The following MTO1 variants were observed in gnomAD, a reference collection of about 807,000 sequenced individuals.
MTO1 encodes the protein mitochondrial tRNA translation optimization 1, also known as 5-taurinomethyluridine-[tRNA] synthase subunit MTO1, mitochondrial.
MTO1 carries 46 observed loss-of-function variants against 71.6 expected under a neutral mutation model. The ratio of observed to expected loss-of-function variants is 0.64; its 90% CI spans 0.51 to 0.82. MTO1 has a LOEUF of 0.82. Among genes scored for constraint, MTO1 ranks in the 40% least tolerant of loss-of-function variants. MTO1 has a pLI of 0.00. For missense variants in MTO1, 773 were observed against 867.5 expected (o/e 0.89, Z 1.37); for synonymous variants, 297 against 312.1 (o/e 0.95, Z 0.51).
rs1177351161 is a variant in MTO1 at position 73,504,498 on chromosome 6, C to T, written c.*3763C>T. ...AGCCTTGTAAATATAAGCAATATCACAGTTGTAGATACTCGTGCTTTTTAA... is the reference window on the plus strand; with the variant it reads ...AGCCTTGTAAATATAAGCAATATCATAGTTGTAGATACTCGTGCTTTTTAA... On this transcript the variant is annotated 3_prime_UTR_variant, in exon 12 of 12. Coordinates refer to ENST00000498286, the MANE Select transcript of MTO1 (RefSeq NM_012123.4). 6.6e-6 allele frequency: 1 copy of T among 152,190 alleles called. No individual in the cohort carries two copies. The highest frequency in any genetic ancestry group is 2.4e-5 in the African/African-American group (1 of 41,446). The allele number at this position is 152,190 out of a possible 1,614,324, so 9.4% of individuals were successfully genotyped here. A position where few individuals can be genotyped will look rare whatever the true frequency, so the allele number is the denominator to read the frequency against.
chr6:73,478,416 C>CA (rs149951472), intron 4 of MTO1, among the ~76,000 whole-genome samples: 10,159 of 146,812 alleles, frequency 0.069, 469 homozygotes, highest in East Asian at 0.2. Flanking sequence ...CCTGCCTGTA[C>CA]AAAAAAAAAA....
intron 10 of MTO1, among the ~76,000 whole-genome samples, chr6:73,493,362 G>GTA (rs1771880949): frequency 6.7e-6 from 1 of 149,310 alleles, no homozygotes; most frequent in Non-Finnish European, 1.5e-5. Context: ...GTATGTGTGT[G>GTA]TGTGTGTGTG....
At chr6:73,462,602 G>C (rs1770858390) in intron 1 of MTO1, among the ~76,000 whole-genome samples, 1 of 151,942 alleles carries the variant, frequency 6.6e-6, no homozygotes. Flanking sequence ...GGTGGCGGGC[G>C]CCTATAATCC....
chr6:73,498,398 A>G (rs1772061530), intron 11 of MTO1, among the ~76,000 whole-genome samples: 1 of 150,956 alleles, frequency 6.6e-6, no homozygotes, highest in African/African-American at 2.4e-5. Flanking sequence ...GCAAGATAGT[A>G]CACGTGTATG....
chr6:73,472,221 T>A (rs749238192), intron 3 of MTO1, among the ~76,000 whole-genome samples: 2 of 152,204 alleles, frequency 1.3e-5, no homozygotes, highest in Admixed American at 6.6e-5. Context: ...GTTACCATTC[T>A]TCCAAACACT....
intron 1 of MTO1, among the ~76,000 whole-genome samples, chr6:73,462,674 G>A (rs2150025018): frequency 1.3e-5 from 2 of 152,226 alleles, no homozygotes; most frequent in Admixed American, 1.3e-4. Flanking sequence ...GTTGCAGTGA[G>A]CCGAGATTGC....
chr6:73,490,074 G>A (rs1008780914), intron 9 of MTO1, among the ~76,000 whole-genome samples: 3 of 152,174 alleles, frequency 2.0e-5, no homozygotes, highest in African/African-American at 7.2e-5. Context: ...CCTGTTGGCT[G>A]CGTAAATGTC....
At chr6:73,463,868 T>A (rs1206044365) in intron 1 of MTO1, among the ~76,000 whole-genome samples, 2 of 152,028 alleles carry the variant, frequency 1.3e-5, no homozygotes, top group Non-Finnish European at 1.5e-5. Flanking sequence ...GCCTCCCAAG[T>A]GGCTGGGATT....
rs1000804404 is a variant in MTO1, at chr6:73,501,581, C to G, written c.*846C>G. ...GAATAGTGGTAGTACCCCTCTTCCT[C>G]TCCAGTACTTCAATGGTATGTCTTC... On this transcript the variant is annotated 3_prime_UTR_variant, in exon 12 of 12. Transcript: ENST00000498286. 1.3e-5 allele frequency: 2 copies of G among 152,210 alleles called. No individual in the cohort carries two copies. Among genetic ancestry groups the G allele is most frequent in the African/African-American group, 4.8e-5 (2 of 41,438 alleles). 9.4% of individuals were successfully genotyped at this position (152,210 alleles called of 1,614,324 possible).
Position 73,461,967 on chromosome 6 carries a change from A to T in MTO1, c.113A>T (p.Asp38Val). Residue 38 changes from aspartate (D) to valine (V), a missense_variant, in exon 1 of 12, where the codon GAC becomes GTC. Coordinates refer to ENST00000498286, the MANE Select transcript of MTO1 (RefSeq NM_012123.4). ...DSAAPRTPHF[D>V]VIVIGGGHAG... ...GCGGCGCCCCGGACTCCGCACTTCGACGTGATAGTCATTGGTGGAGGACAT... is the reference window on the plus strand; with the variant it reads ...GCGGCGCCCCGGACTCCGCACTTCGTCGTGATAGTCATTGGTGGAGGACAT... 6.2e-7 allele frequency: 1 copy of T among 1,614,196 alleles called. No individual in the cohort carries two copies. The highest frequency in any genetic ancestry group is 1.1e-5 in the South Asian group (1 of 91,082).
chr6:73,487,197 ATTTT>A (rs4032698), intron 9 of MTO1, among the ~76,000 whole-genome samples: 40 of 104,068 alleles, frequency 3.8e-4, no homozygotes, highest in East Asian at 1.0e-3. Flanking sequence ...CCTGCTTTCA[ATTTT>A]TTTTTTTTTT....
chr6:73,493,354 ATGTGTGTGTG>A (rs144509962), intron 10 of MTO1, among the ~76,000 whole-genome samples: 19 of 139,458 alleles, frequency 1.4e-4, no homozygotes, highest in East Asian at 9.0e-4. Flanking sequence ...ATGTGCATGT[ATGTGTGTGTG>A]TGTGTGTGTG....
chr6:73,472,159 T>C (rs138309970), intron 3 of MTO1, among the ~76,000 whole-genome samples: 213 of 152,326 alleles, frequency 1.4e-3, no homozygotes, highest in African/African-American at 4.8e-3. Context: ...TGATATATCT[T>C]CTCTTCAGAT....
intron 1 of MTO1, among the ~76,000 whole-genome samples, chr6:73,463,292 A>G (rs555258339): frequency 6.6e-6 from 1 of 151,852 alleles, no homozygotes; most frequent in South Asian, 2.1e-4. Context: ...CGGCCTCCCA[A>G]AATGCTGGGA....
Position 73,481,955 on chromosome 6 carries a change from G to A in MTO1, c.1261-85G>A. 2.8e-6 allele frequency: 4 copies of A among 1,426,272 alleles called. No homozygotes were observed. The South Asian group carries it at 4.6e-5, about 16-fold the overall frequency. 88.4% of individuals were successfully genotyped at this position (1,426,272 alleles called of 1,614,324 possible). ...AATACTTGCTTTCTTCCTGTCCCAT[G>A]CCATTGTTTCTGAGTAGTGTTCTGA... On this transcript the variant is annotated intron_variant, in intron 7 of 11. Coordinates refer to ENST00000498286, the MANE Select transcript of MTO1 (RefSeq NM_012123.4).
Position 73,462,080 on chromosome 6 carries a change from C to G in MTO1, c.217+9C>G, listed in dbSNP as rs765190087. ...CCGCGTGGACACGATCGGTGAGGAGCGCGGGTGCTGTGGAACTTGGCGTAG... is the reference window on the plus strand; with the variant it reads ...CCGCGTGGACACGATCGGTGAGGAGGGCGGGTGCTGTGGAACTTGGCGTAG... On this transcript the variant is annotated intron_variant, in intron 1 of 11. Transcript: ENST00000498286. 3 of 1,611,508 alleles carry G rather than the reference C, an allele frequency of 1.9e-6. No individual in the cohort carries two copies. Among genetic ancestry groups the G allele is most frequent in the Admixed American group, 3.3e-5 (2 of 59,964 alleles).
At chr6:73,474,456 T>A (rs992076280) in intron 4 of MTO1, among the ~76,000 whole-genome samples, 1 of 152,142 alleles carries the variant, frequency 6.6e-6, no homozygotes, top group Non-Finnish European at 1.5e-5. Context: ...TAAATTTCTT[T>A]TTTTTGTTTT....
chr6:73,497,157 CT>C lies in MTO1; in HGVS notation c.1757-566del, dbSNP rs765385743. 2.2e-4 allele frequency among the ~76,000 whole-genome samples: 20 copies of C among 92,728 alleles called. 2 individuals are homozygous for C. Among genetic ancestry groups the C allele is most frequent in the South Asian group, 1.2e-3 (3 of 2,490 alleles). 60.8% of individuals were successfully genotyped at this position (92,728 alleles called of 152,430 possible). The stretch of plus-strand genomic sequence containing the variant: ...TTTGCACTGACAGCGGAAGCAAATT[CT>C]TTTTTTTTTTTTGAGACAGAGTCTC... On this transcript the variant is annotated intron_variant, in intron 10 of 11. Coordinates refer to ENST00000498286, the MANE Select transcript of MTO1 (RefSeq NM_012123.4).
In MTO1 at chr6:73,503,928, T is replaced by A. The variant is rs1772223801; in HGVS notation, c.*3193T>A. ...ACCTAGATTGGAATAGCCATGGCTT[T>A]TCTACTTCAGAAATTTCAACTCCTA... On this transcript the variant is annotated 3_prime_UTR_variant, in exon 12 of 12. Transcript: ENST00000498286. 6.6e-6 allele frequency: 1 copy of A among 152,172 alleles called. No homozygotes were observed. The highest frequency in any genetic ancestry group is 1.5e-5 in the Non-Finnish European group (1 of 68,026). 9.4% of individuals were successfully genotyped at this position (152,172 alleles called of 1,614,324 possible). A position where few individuals can be genotyped will look rare whatever the true frequency, so the allele number is the denominator to read the frequency against.
Sources: gnomAD v4.1 joint callset for allele counts (sites outside exome capture counted in the v4.1 genomes callset) on GRCh38, gnomAD v4.1.1 for gene constraint, MANE v1.5 for transcripts, NCBI Gene and HGNC (gene_info 2026-07-23, HGNC 2026-07-21) for gene names.